The following HRK variants were observed in gnomAD, a reference collection of about 807,000 sequenced individuals.
The protein encoded by HRK is harakiri, BCL2 interacting protein.
Under a neutral mutation model 5.9 loss-of-function variants are expected in HRK, and 6 were observed. The observed-to-expected ratio is 1.02, with a 90% CI of 0.56 to 2.01. The LOEUF is 2.01. Among genes scored for constraint, HRK ranks in the 30% most tolerant of loss-of-function variants. The probability of loss-of-function intolerance (pLI) is 0.00; values close to 1 mark genes in which losing one functional copy is unlikely to be tolerated. For missense variants in HRK, 133 were observed against 128.3 expected (o/e 1.04, Z -0.18); for synonymous variants, 85 against 65.1 (o/e 1.31, Z -1.47).
At chr12:116,866,172 A>AAAC (rs1878540876) in intron 1 of HRK, among the ~76,000 whole-genome samples, 1 of 151,220 alleles carries the variant, frequency 6.6e-6, no homozygotes, top group Non-Finnish European at 1.5e-5. Context: ...AAAAAAAAAA[A>AAAC]AAAGCAGTTT....
chr12:116,865,082 G>A (rs980777995), intron 1 of HRK, among the ~76,000 whole-genome samples: 4 of 152,138 alleles, frequency 2.6e-5, no homozygotes, highest in South Asian at 2.1e-4. Flanking sequence ...TCCTGCCTCC[G>A]TGGGCTGCAG....
chr12:116,880,212 A>AT (rs1231621054), intron 1 of HRK, among the ~76,000 whole-genome samples: 2 of 152,154 alleles, frequency 1.3e-5, no homozygotes, highest in Non-Finnish European at 2.9e-5. Context: ...TTCCTTCCTT[A>AT]AGGCTTCCCA....
chr12:116,858,195 A>C lies in HRK; in HGVS notation c.*3328T>G, dbSNP rs1240386466. ...GCGCAGGGCCAAAAAAAACCCAAAA[A>C]AAAACAAAACAGGAACTGGGGTCTA... On this transcript the variant is annotated 3_prime_UTR_variant, in exon 2 of 2. Transcript: ENST00000257572. 6.6e-6 allele frequency: 1 copy of C among 151,852 alleles called. No homozygotes were observed. The highest frequency in any genetic ancestry group is 2.4e-5 in the African/African-American group (1 of 41,308). 9.4% of individuals were successfully genotyped at this position (151,852 alleles called of 1,614,324 possible).
intron 1 of HRK, among the ~76,000 whole-genome samples, chr12:116,865,697 C>T (rs11832668): frequency 0.011 from 1,683 of 152,290 alleles, 24 homozygotes; most frequent in African/African-American, 0.039. Context: ...CCAGTATTAC[C>T]GGCTGGTTGT....
chr12:116,872,997 G>A (rs1467146164), intron 1 of HRK, among the ~76,000 whole-genome samples: 1 of 152,198 alleles, frequency 6.6e-6, no homozygotes, highest in African/African-American at 2.4e-5. Flanking sequence ...GCAATGGAAA[G>A]GTAGAAAGGC....
Position 116,879,572 on chromosome 12 carries a change from G to C in HRK, c.*56+1404C>G, listed in dbSNP as rs1879063119. On this transcript the variant is annotated intron_variant, in intron 1 of 1. Transcript: ENST00000257572. This position sits in a 1 kb window ranked among gnomAD's most constrained non-coding sequence, Gnocchi z 5.6. ...GCCTCTCCAACAGGAGAGAGAGAAG[G>C]TAGGGAGAAGTGGATGGGACCCCCG... 2 of 152,214 alleles carry C rather than the reference G, an allele frequency of 1.3e-5. No individual in the cohort carries two copies. The allele number at this position is 152,214 out of a possible 1,614,324, so 9.4% of individuals were successfully genotyped here.
intron 1 of HRK, among the ~76,000 whole-genome samples, chr12:116,871,760 A>G (rs1878762343): frequency 6.6e-6 from 1 of 151,170 alleles, no homozygotes; most frequent in South Asian, 2.1e-4. Flanking sequence ...CCCGAGTAGC[A>G]GGACTACAGA....
At position 116,860,493 on chromosome 12, in the gene HRK, G is replaced by A. The variant is rs1221672373; in HGVS notation, c.*1030C>T. 6.6e-6 allele frequency: 1 copy of A among 152,120 alleles called. No homozygotes were observed. Among genetic ancestry groups the A allele is most frequent in the Admixed American group, 6.6e-5 (1 of 15,262 alleles). The allele number at this position is 152,120 out of a possible 1,614,324, so 9.4% of individuals were successfully genotyped here. A position where few individuals can be genotyped will look rare whatever the true frequency, so the allele number is the denominator to read the frequency against. ...CCTGAAATCCCCTTGGGGAGTGGAGGAGGCTGTGGGCTGAACTCCGAGGAC... is the reference window on the plus strand; with the variant it reads ...CCTGAAATCCCCTTGGGGAGTGGAGAAGGCTGTGGGCTGAACTCCGAGGAC... On this transcript the variant is annotated 3_prime_UTR_variant, in exon 2 of 2. Transcript: ENST00000257572.
In HRK at chr12:116,862,380, A is replaced by G. The variant is rs894024147; in HGVS notation, c.*57-914T>C. Among the ~76,000 whole-genome samples the G allele has an allele frequency of 2.0e-5, 3 of 152,364 alleles. No homozygotes were observed. Among genetic ancestry groups the G allele is most frequent in the Non-Finnish European group, 4.4e-5 (3 of 68,036 alleles). The stretch of plus-strand genomic sequence containing the variant: ...CTTTCCATACAATGGACTATTAGTC[A>G]GCCATCAAAAAGGAATGAAGTATTG... On this transcript the variant is annotated intron_variant, in intron 1 of 1. Coordinates refer to ENST00000257572, the MANE Select transcript of HRK (RefSeq NM_003806.4). The surrounding 1 kb of genome is among the most constrained non-coding windows in gnomAD (Gnocchi z 4.0).
Position 116,878,001 on chromosome 12 carries a change from C to T in HRK, c.*56+2975G>A, listed in dbSNP as rs1287042806. On this transcript the variant is annotated intron_variant, in intron 1 of 1. Transcript: ENST00000257572. The surrounding 1 kb of genome is among the most constrained non-coding windows in gnomAD (Gnocchi z 4.4). ...GCTCTTCTTGGCTGACTGTAACCTC[C>T]GCCTCCCAGGTTCAAGCGATTCTCC... 1.3e-5 allele frequency among the ~76,000 whole-genome samples: 2 copies of T among 152,154 alleles called. No homozygotes were observed. The highest frequency in any genetic ancestry group is 2.9e-5 in the Non-Finnish European group (2 of 68,032).
intron 1 of HRK, among the ~76,000 whole-genome samples, chr12:116,866,654 A>C (rs1207195864): frequency 2.6e-5 from 4 of 152,096 alleles, no homozygotes; most frequent in Non-Finnish European, 5.9e-5. Context: ...CTATCAGTGA[A>C]CAGTTATCAA....
At position 116,881,164 on chromosome 12, in the gene HRK, G is replaced by T. The variant is rs530919893; in HGVS notation, c.144C>A (p.Thr48=). 3.5e-5 allele frequency: 41 copies of T among 1,173,180 alleles called. No individual in the cohort carries two copies. The African/African-American group carries it at 6.1e-4, about 18-fold the overall frequency. 72.7% of individuals were successfully genotyped at this position (1,173,180 alleles called of 1,614,324 possible). Residue 48 remains threonine, a synonymous_variant, in exon 1 of 2, where the codon ACC becomes ACA. Transcript: ENST00000257572. Reference sequence around the variant, plus strand: ...GGCTCCGCGCGCGGCGCCGCCACATGGTGCGCTGGTGCAGCTCGTCGCCTA... The same window carrying T: ...GGCTCCGCGCGCGGCGCCGCCACATTGTGCGCTGGTGCAGCTCGTCGCCTA... ...KALGDELHQR[T]MWRRRARSRR...
At chr12:116,880,123 G>C (rs901776815) in intron 1 of HRK, among the ~76,000 whole-genome samples, 2 of 151,640 alleles carry the variant, frequency 1.3e-5, no homozygotes, top group Non-Finnish European at 2.9e-5. Context: ...TAGGTGCTCA[G>C]TACCCACTTC....
At chr12:116,880,745 C>T (rs894936536) in intron 1 of HRK, among the ~76,000 whole-genome samples, 22 of 152,102 alleles carry the variant, frequency 1.4e-4, no homozygotes, top group African/African-American at 5.3e-4. Context: ...GCAAGATGCG[C>T]TTAAGGACTC....
At chr12:116,875,791 G>A (rs1278911451) in intron 1 of HRK, among the ~76,000 whole-genome samples, 4 of 152,052 alleles carry the variant, frequency 2.6e-5, no homozygotes, top group African/African-American at 9.7e-5. Flanking sequence ...TGATCCACCC[G>A]CCTCAGCCTC....
At chr12:116,868,865 G>A (rs1158734849) in intron 1 of HRK, among the ~76,000 whole-genome samples, 1 of 152,178 alleles carries the variant, frequency 6.6e-6, no homozygotes, top group Non-Finnish European at 1.5e-5. Context: ...CCCAGATTGG[G>A]GAAGGCAGGA....
At chr12:116,880,894 G>T in intron 1 of HRK, 82 bp downstream of exon 1, 1 of 499,494 alleles carries the variant, frequency 2.0e-6, no homozygotes, top group Non-Finnish European at 3.0e-6. Context: ...AGCCAAACTT[G>T]CCACTCTCCC....
chr12:116,858,108 G>A lies in HRK; in HGVS notation c.*3415C>T. On this transcript the variant is annotated 3_prime_UTR_variant, in exon 2 of 2. Coordinates refer to ENST00000257572, the MANE Select transcript of HRK (RefSeq NM_003806.4). ...GAAAAGAAGTCCCCAGTATCCAAAT[G>A]AAGGCGGCTAAAAAAAAAAAAAAAA... 1 of 92,856 alleles carries A rather than the reference G, an allele frequency of 1.1e-5. No individual in the cohort carries two copies. 5.8% of individuals were successfully genotyped at this position (92,856 alleles called of 1,614,324 possible).
chr12:116,877,984 T>A (rs1398732541), intron 1 of HRK, among the ~76,000 whole-genome samples: 1 of 152,206 alleles, frequency 6.6e-6, no homozygotes, highest in East Asian at 1.9e-4. Flanking sequence ...CAGCTCTTCT[T>A]GGCTGACTGT....
Sources: allele counts gnomAD v4.1 joint callset (sites outside exome capture counted in the v4.1 genomes callset), GRCh38; gene constraint gnomAD v4.1.1; non-coding constraint Gnocchi (gnomAD v3.1); transcripts MANE v1.5; gene names NCBI Gene and HGNC (gene_info 2026-07-23, HGNC 2026-07-21).